Variants in ZSWIM6 observed in about 807,000 individuals in gnomAD.
The protein encoded by ZSWIM6 is zinc finger SWIM-type containing 6.
In ZSWIM6, 9 loss-of-function variants were observed where a neutral mutation model predicts 113.2. The ratio of observed to expected loss-of-function variants is 0.08; its 90% CI spans 0.05 to 0.14. ZSWIM6 has a LOEUF of 0.14. Among genes scored for constraint, ZSWIM6 ranks in the 10% least tolerant of loss-of-function variants. ZSWIM6 has a pLI of 1.00. For synonymous variants in ZSWIM6, 611 were observed against 606.5 expected, an observed-to-expected ratio of 1.01 and a Z score of -0.11; for missense variants, 1,162 against 1,552.2, an observed-to-expected ratio of 0.75 and a Z score of 4.22.
intron 1 of ZSWIM6, among the ~76,000 whole-genome samples, chr5:61,443,651 T>A (rs1291043959): frequency 6.6e-6 from 1 of 152,182 alleles, no homozygotes; most frequent in Non-Finnish European, 1.5e-5. Flanking sequence ...GTCATTGATT[T>A]AGCTAAAATG....
chr5:61,414,043 A>G (rs1487164812), intron 1 of ZSWIM6, among the ~76,000 whole-genome samples: 2 of 152,142 alleles, frequency 1.3e-5, no homozygotes, highest in East Asian at 3.9e-4. Context: ...CAGATGGGGT[A>G]GGAGAAATGG....
intron 1 of ZSWIM6, among the ~76,000 whole-genome samples, chr5:61,451,238 A>G (rs1219339239): frequency 1.3e-5 from 2 of 152,208 alleles, no homozygotes; most frequent in African/African-American, 2.4e-5. Context: ...GGAATGTTTT[A>G]GTTAGCTTCA....
intron 1 of ZSWIM6, among the ~76,000 whole-genome samples, chr5:61,445,589 G>A (rs530750703): frequency 6.6e-6 from 1 of 152,264 alleles, no homozygotes; most frequent in South Asian, 2.1e-4. Flanking sequence ...TGATAATGGT[G>A]AACACAACTA....
Position 61,332,349 on chromosome 5 carries a change from G to GGA in ZSWIM6, c.77_78insGA (p.Ser27ThrfsTer84). 1 of 1,027,536 alleles carries GGA rather than the reference G, an allele frequency of 9.7e-7. No individual in the cohort carries two copies. Among genetic ancestry groups the GGA allele is most frequent in the Non-Finnish European group, 1.2e-6 (1 of 843,274 alleles). The allele number at this position is 1,027,536 out of a possible 1,614,324, so 63.7% of individuals were successfully genotyped here. On this transcript the variant is annotated frameshift_variant, in exon 1 of 14. Coordinates refer to ENST00000252744, the MANE Select transcript of ZSWIM6 (RefSeq NM_020928.2). LOFTEE classifies it high-confidence loss of function. ...CCGGGCGGCGGCGGCGGCGGCGGGG[G>GGA]CAGCAGCGGCGGCGGCGGCGGCGCG... is the stretch of plus-strand genomic sequence containing the variant.
chr5:61,511,518 G>A (rs1419200685), intron 4 of ZSWIM6, among the ~76,000 whole-genome samples: 1 of 152,098 alleles, frequency 6.6e-6, no homozygotes, highest in Non-Finnish European at 1.5e-5. Context: ...ATTAGGAGTT[G>A]GGGCCCTTGG....
In ZSWIM6 at chr5:61,535,531, C is replaced by T. The variant is rs1331852212; in HGVS notation, c.2293C>T (p.Pro765Ser). 2 of 1,551,296 alleles carry T rather than the reference C, an allele frequency of 1.3e-6. No homozygotes were observed. The highest frequency in any genetic ancestry group is 1.7e-6 in the Non-Finnish European group (2 of 1,146,788). ...LGEIIHRESV[P>S]MHTFAKYLFT... is the part of the protein sequence containing the mutation. ...TGAAATAATCCATCGGGAGAGCGTT[C>T]CAATGCACACATTTGCCAAGTATCT... is the stretch of plus-strand genomic sequence containing the variant. The change falls in exon 10 of 14, where the codon CCA (proline) becomes TCA (serine). Residue 765 changes from proline (P) to serine (S), a missense_variant. By Grantham distance (74) the Pro-to-Ser change is moderately conservative. Transcript: ENST00000252744.
intron 10 of ZSWIM6, among the ~76,000 whole-genome samples, chr5:61,536,487 T>C (rs1749577242): frequency 6.6e-6 from 1 of 152,218 alleles, no homozygotes; most frequent in Non-Finnish European, 1.5e-5. Flanking sequence ...ACAGATCACC[T>C]AAGGACAAGC....
Position 61,543,224 on chromosome 5 carries a change from G to T in ZSWIM6, c.2786-231G>T, listed in dbSNP as rs1749789320. ...CAAATACCAGCTACCAAGAGGATTG[G>T]TTCTTTATTATAGCAAGTTCATGTT... is the stretch of plus-strand genomic sequence containing the variant. On this transcript the variant is annotated intron_variant, in intron 13 of 13. Transcript: ENST00000252744. The surrounding 1 kb of genome is among the most constrained non-coding windows in gnomAD (Gnocchi z 4.3). 7.4e-6 allele frequency among the ~76,000 whole-genome samples: 1 copy of T among 135,260 alleles called. No homozygotes were observed. Among genetic ancestry groups the T allele is most frequent in the Admixed American group, 7.1e-5 (1 of 14,004 alleles). The allele number at this position is 135,260 out of a possible 152,430, so 88.7% of individuals were successfully genotyped here.
At chr5:61,375,023 G>C in intron 1 of ZSWIM6, 1 of 1,171,900 alleles carries the variant, frequency 8.5e-7, no homozygotes, top group Admixed American at 1.9e-5. Flanking sequence ...AGAGTAATGA[G>C]AGGTGGGACC....
chr5:61,416,672 G>A (rs1026559768), intron 1 of ZSWIM6, among the ~76,000 whole-genome samples: 4 of 152,220 alleles, frequency 2.6e-5, no homozygotes, highest in Non-Finnish European at 4.4e-5. Flanking sequence ...GCCTCACGCA[G>A]TGCACTAGCC....
chr5:61,355,891 A>G (rs1744896937), intron 1 of ZSWIM6, among the ~76,000 whole-genome samples: 2 of 152,234 alleles, frequency 1.3e-5, no homozygotes, highest in Admixed American at 1.3e-4. Context: ...AAATGTGACT[A>G]CTAGGAAATT....
At chr5:61,529,020 A>C (rs1749360423) in intron 7 of ZSWIM6, among the ~76,000 whole-genome samples, 1 of 152,208 alleles carries the variant, frequency 6.6e-6, no homozygotes, top group African/African-American at 2.4e-5. Context: ...ATTGTATGTA[A>C]ATTTTATTAT....
chr5:61,396,925 A>G (rs1161680322), intron 1 of ZSWIM6, among the ~76,000 whole-genome samples: 4 of 152,174 alleles, frequency 2.6e-5, no homozygotes, highest in South Asian at 4.1e-4. Context: ...AGTATTATAA[A>G]CATAATAACA....
At chr5:61,335,803 AT>A (rs1744378787) in intron 1 of ZSWIM6, among the ~76,000 whole-genome samples, 1 of 152,206 alleles carries the variant, frequency 6.6e-6, no homozygotes, top group Non-Finnish European at 1.5e-5. Flanking sequence ...AATTAAACCT[AT>A]TGGTAGTTAC....
chr5:61,482,626 G>A (rs1380992820), intron 2 of ZSWIM6, among the ~76,000 whole-genome samples: 2 of 152,116 alleles, frequency 1.3e-5, no homozygotes, highest in African/African-American at 2.4e-5. Context: ...ATGTTGAGTT[G>A]TATATAGAGT....
At chr5:61,475,402 A>G (rs1034904353) in intron 2 of ZSWIM6, among the ~76,000 whole-genome samples, 2 of 152,226 alleles carry the variant, frequency 1.3e-5, no homozygotes, top group African/African-American at 4.8e-5. Flanking sequence ...CAATGAAACA[A>G]TGTAAACTAA....
intron 12 of ZSWIM6, among the ~76,000 whole-genome samples, chr5:61,540,917 T>G (rs954124119): frequency 3.8e-4 from 26 of 68,904 alleles, no homozygotes; most frequent in African/African-American, 2.1e-3. Flanking sequence ...ATTTTGTGGG[T>G]TTTTTTTTTT....
chr5:61,472,953 G>A lies in ZSWIM6; in HGVS notation c.949G>A (p.Val317Met). 1 of 1,550,528 alleles carries A rather than the reference G, an allele frequency of 6.4e-7. No individual in the cohort carries two copies. The highest frequency in any genetic ancestry group is 2.0e-5 in the Admixed American group (1 of 50,896). The change falls in exon 2 of 14, where the codon GTG becomes ATG. Residue 317 changes from valine to methionine, a missense_variant. Physicochemically the swap from Val to Met is conservative, Grantham distance 21 (BLOSUM62 1). This residue lies in a region of ZSWIM6 where 96 missense variants were observed against 240.3 expected (regional missense o/e 0.40). Transcript: ENST00000252744. This position sits in a 1 kb window ranked among gnomAD's most constrained non-coding sequence, Gnocchi z 4.1. ...LQKFVQYLIT[V>M]HHTEVLPTAQ... is the part of the protein sequence containing the mutation. The stretch of plus-strand genomic sequence containing the variant: ...AAAGTTTGTACAGTATTTGATCACA[G>A]TGCACCACACAGAAGTTTTGCCAAC...
chr5:61,509,300 T>G (rs935963422), intron 4 of ZSWIM6, among the ~76,000 whole-genome samples: 38 of 128,946 alleles, frequency 2.9e-4, no homozygotes, highest in Non-Finnish European at 5.7e-4. Flanking sequence ...CCAAAATAAG[T>G]TCTGATAACT....
Sources: gnomAD v4.1 joint callset for allele counts (sites outside exome capture counted in the v4.1 genomes callset) on GRCh38, gnomAD v4.1.1 for gene constraint, gnomAD v4.1.1 regional missense constraint, Gnocchi (gnomAD v3.1) non-coding constraint, MANE v1.5 for transcripts, NCBI Gene and HGNC (gene_info 2026-07-23, HGNC 2026-07-21) for gene names.